HFM1: variants seen among roughly 807,000 people sequenced by gnomAD.
The protein encoded by HFM1 is probable ATP-dependent DNA helicase HFM1.
HFM1 carries 169 observed loss-of-function variants against 192.1 expected under a neutral mutation model. The observed-to-expected ratio is 0.88, with a 90% CI of 0.78 to 1.00. The LOEUF (loss-of-function observed/expected upper bound fraction) is 1.00. Among genes scored for constraint, HFM1 ranks in the 50% least tolerant of loss-of-function variants. HFM1 has a pLI of 0.00. For missense variants in HFM1, 1,661 were observed against 1,668.0 expected, an observed-to-expected ratio of 1.00 and a Z score of 0.07; for synonymous variants, 525 against 537.8, an observed-to-expected ratio of 0.98 and a Z score of 0.33.
intron 30 of HFM1, among the ~76,000 whole-genome samples, chr1:91,297,171 C>G (rs997003503): frequency 6.6e-6 from 1 of 152,200 alleles, no homozygotes; most frequent in African/African-American, 2.4e-5. Context: ...GAGGGTCCTA[C>G]AGCCACAGAG....
At chr1:91,323,070 T>C (rs746033229) in intron 22 of HFM1, 23 bp downstream of exon 22, 2 of 1,410,478 alleles carry the variant, frequency 1.4e-6, no homozygotes, top group South Asian at 2.7e-5. Context: ...TAAAATTATT[T>C]AAAACATATG....
At chr1:91,399,148 T>C (rs1228812429) in intron 2 of HFM1, among the ~76,000 whole-genome samples, 1 of 152,122 alleles carries the variant, frequency 6.6e-6, no homozygotes, top group Non-Finnish European at 1.5e-5. Context: ...TTCTAGGCAC[T>C]AGAGCTTATA....
At chr1:91,405,602 G>A (rs1664762944), upstream of HFM1, among the ~76,000 whole-genome samples, 1 of 152,014 alleles carries the variant, frequency 6.6e-6, no homozygotes, top group Admixed American at 6.5e-5. Context: ...CCTTGGAAAA[G>A]ACCCAACCTT....
At position 91,377,943 on chromosome 1, in the gene HFM1, T is replaced by A. The variant is rs1327819894; in HGVS notation, c.1395+82A>T. The A allele has an allele frequency of 5.7e-5, 73 of 1,277,930 alleles. 1 individual carries two copies. The East Asian group carries it at 1.0e-3, about 18-fold the overall frequency. The allele number at this position is 1,277,930 out of a possible 1,614,324, so 79.2% of individuals were successfully genotyped here. On this transcript the variant is annotated intron_variant, in intron 11 of 38. Transcript: ENST00000370425. ...CCTATTAAAGGAAAGGACAAAAAAA[T>A]TCACTTTTCTCTATGATCAAGATGA...
At chr1:91,392,832 A>G (rs1663177540) in intron 4 of HFM1, among the ~76,000 whole-genome samples, 1 of 152,204 alleles carries the variant, frequency 6.6e-6, no homozygotes, top group South Asian at 2.1e-4. Flanking sequence ...ATTTTGTATA[A>G]TTGCACTTAT....
chr1:91,358,215 C>T (rs1370147461), intron 13 of HFM1, among the ~76,000 whole-genome samples: 2 of 151,874 alleles, frequency 1.3e-5, no homozygotes, highest in Non-Finnish European at 2.9e-5. Context: ...ACCTGGGAGG[C>T]GGACCTTGCA....
chr1:91,371,915 A>C (rs960635964), intron 13 of HFM1, among the ~76,000 whole-genome samples: 4 of 152,222 alleles, frequency 2.6e-5, no homozygotes, highest in Admixed American at 6.5e-5. Context: ...ACCCCAACAA[A>C]AAGTGGGTGA....
At position 91,350,712 on chromosome 1, in the gene HFM1, T is replaced by C. The variant is rs1294443850; in HGVS notation, c.2206+26A>G. On this transcript the variant is annotated intron_variant, in intron 18 of 38. Transcript: ENST00000370425. ...GGCCTAGCTGGCTTGAAAAAATTAC[T>C]ACTTTTCCAAGTCAAAGTAACAAAC... is the stretch of plus-strand genomic sequence containing the variant. 1.9e-6 allele frequency: 3 copies of C among 1,607,256 alleles called. No homozygotes were observed. In the Admixed American group the frequency reaches 5.0e-5, roughly 27 times the overall value.
chr1:91,317,099 T>C (rs1651352172), intron 25 of HFM1, among the ~76,000 whole-genome samples: 1 of 152,152 alleles, frequency 6.6e-6, no homozygotes, highest in Admixed American at 6.5e-5. Flanking sequence ...CAGTCACACT[T>C]GCTTTCATTC....
At chr1:91,346,854 C>A (rs573042716) in intron 19 of HFM1, among the ~76,000 whole-genome samples, 6 of 152,036 alleles carry the variant, frequency 3.9e-5, no homozygotes, top group Non-Finnish European at 7.4e-5. Context: ...TGGGCATGGT[C>A]GCTCACAGCT....
chr1:91,296,776 T>C (rs1288833048), intron 30 of HFM1, among the ~76,000 whole-genome samples: 1 of 152,224 alleles, frequency 6.6e-6, no homozygotes, highest in East Asian at 1.9e-4. Flanking sequence ...TTTATACTAC[T>C]GTAAATGCTG....
At chr1:91,328,358 A>AAAG in intron 20 of HFM1, 1 of 1,548,350 alleles carries the variant, frequency 6.5e-7, no homozygotes, top group Non-Finnish European at 8.7e-7. Context: ...CCCAAAGGCC[A>AAAG]GTCATCCCTC....
intron 2 of HFM1, among the ~76,000 whole-genome samples, chr1:91,396,638 A>C (rs188649952): frequency 4.6e-5 from 7 of 152,324 alleles, no homozygotes; most frequent in African/African-American, 1.4e-4. Flanking sequence ...CAATAACTCT[A>C]TCTCCTTTTC....
At chr1:91,262,626 G>A in intron 36 of HFM1, 34 bp from the exon 37 acceptor site, 1 of 1,290,122 alleles carries the variant, frequency 7.8e-7, no homozygotes, top group South Asian at 1.3e-5. Context: ...GTAAAATACG[G>A]CAAACAAGAA....
At chr1:91,315,729 G>T (rs1302961085) in intron 28 of HFM1, 86 bp downstream of exon 28, 3 of 935,328 alleles carry the variant, frequency 3.2e-6, no homozygotes, top group African/African-American at 3.3e-5. Flanking sequence ...ATCCCACAAT[G>T]ATCTTGTTAT....
intron 30 of HFM1, among the ~76,000 whole-genome samples, chr1:91,300,624 T>C (rs936240803): frequency 6.6e-6 from 1 of 152,168 alleles, no homozygotes; most frequent in Non-Finnish European, 1.5e-5. Flanking sequence ...GCAAGGCTAG[T>C]TCAACATATG....
chr1:91,262,233 G>C lies in HFM1; in HGVS notation c.4238+8C>G. ...TATAATCTTAAAGTGTCTTTAAAGA[G>C]TTCTTACCTGAAATCAACTTCCTTT... On this transcript the variant is annotated splice_region_variant and intron_variant, in intron 38 of 38. Transcript: ENST00000370425. 7.9e-7 allele frequency: 1 copy of C among 1,272,156 alleles called. No individual in the cohort carries two copies. The highest frequency in any genetic ancestry group is 1.1e-6 in the Non-Finnish European group (1 of 907,220). The allele number at this position is 1,272,156 out of a possible 1,614,324, so 78.8% of individuals were successfully genotyped here. A position where few individuals can be genotyped will look rare whatever the true frequency, so the allele number is the denominator to read the frequency against.
At chr1:91,376,658 T>C (rs565425235) in intron 11 of HFM1, among the ~76,000 whole-genome samples, 65 of 151,954 alleles carry the variant, frequency 4.3e-4, no homozygotes, top group African/African-American at 1.5e-3. Context: ...AAGTAGTTGA[T>C]AAATATATTT....
At chr1:91,395,752 G>A (rs1663581564) in intron 3 of HFM1, among the ~76,000 whole-genome samples, 6 of 152,020 alleles carry the variant, frequency 3.9e-5, no homozygotes, top group Admixed American at 3.9e-4. Context: ...CATATACAAT[G>A]TGTAATGATC....
Sources: allele counts gnomAD v4.1 joint callset (sites outside exome capture counted in the v4.1 genomes callset), GRCh38; gene constraint gnomAD v4.1.1; transcripts MANE v1.5; gene names NCBI Gene and HGNC (gene_info 2026-07-23, HGNC 2026-07-21).